COL28A1: variants seen among roughly 807,000 people sequenced by gnomAD.
COL28A1 encodes collagen type XXVIII alpha 1 chain, also known as collagen alpha-1(XXVIII) chain.
In COL28A1, 161 loss-of-function variants were observed where a neutral mutation model predicts 150.2. The ratio of observed to expected loss-of-function variants is 1.07; its 90% CI spans 0.94 to 1.22. The LOEUF is 1.22. COL28A1 is among the 50% of genes most tolerant of loss of function. The pLI is 0.00. For missense variants in COL28A1, 1,617 were observed against 1,388.3 expected (o/e 1.16, Z -2.62); for synonymous variants, 552 against 469.7 (o/e 1.18, Z -2.26).
At chr7:7,381,672 T>C in intron 27 of COL28A1, 60 bp from the exon 28 acceptor site, 1 of 1,308,430 alleles carries the variant, frequency 7.6e-7, no homozygotes, top group South Asian at 1.2e-5. Flanking sequence ...TGGCTATTCT[T>C]TGGGTCAGAA....
intron 5 of COL28A1, among the ~76,000 whole-genome samples, chr7:7,520,507 A>C (rs1583560040): frequency 6.6e-6 from 1 of 152,160 alleles, no homozygotes; most frequent in Admixed American, 6.5e-5. Flanking sequence ...TCTGTCACTC[A>C]CTTTTAAAAG....
chr7:7,477,946 T>C (rs1191870985), intron 13 of COL28A1, among the ~76,000 whole-genome samples: 6 of 152,204 alleles, frequency 3.9e-5, no homozygotes, highest in Non-Finnish European at 8.8e-5. Context: ...TTACAATCCC[T>C]GAGCTAGACA....
the COL28A1 span, among the ~76,000 whole-genome samples, chr7:7,350,461 A>G: frequency 3.3e-5 from 5 of 152,096 alleles, no homozygotes; most frequent in Non-Finnish European, 7.4e-5. Context: ...AAGAAGCACA[A>G]TTTTAGTCAA....
At chr7:7,502,407 T>C (rs1360870577) in intron 11 of COL28A1, among the ~76,000 whole-genome samples, 1 of 152,222 alleles carries the variant, frequency 6.6e-6, no homozygotes. Flanking sequence ...CATTTTTTCC[T>C]GACTTAACAC....
intron 20 of COL28A1, 45 bp from the exon 21 acceptor site, chr7:7,440,906 C>G (rs1305753077): frequency 3.3e-6 from 3 of 917,544 alleles, no homozygotes; most frequent in African/African-American, 3.3e-5. Context: ...ATGGTATTAG[C>G]AACCTCCCCT....
At chr7:7,364,329 G>A (rs377009836) in intron 33 of COL28A1, among the ~76,000 whole-genome samples, 11 of 152,304 alleles carry the variant, frequency 7.2e-5, no homozygotes, top group African/African-American at 1.4e-4. Flanking sequence ...ACATACATTC[G>A]TAAAGGAATC....
intron 18 of COL28A1, among the ~76,000 whole-genome samples, chr7:7,450,334 A>G (rs1446389471): frequency 6.6e-6 from 1 of 152,212 alleles, no homozygotes; most frequent in Non-Finnish European, 1.5e-5. Context: ...GCATAAGAAT[A>G]TCTTTATCAA....
Position 7,453,436 on chromosome 7 carries a change from T to G in COL28A1, c.1440+4A>C. 8.6e-7 allele frequency: 1 copy of G among 1,156,666 alleles called. No individual in the cohort carries two copies. The highest frequency in any genetic ancestry group is 1.2e-5 in the South Asian group (1 of 82,040). 71.7% of individuals were successfully genotyped at this position (1,156,666 alleles called of 1,614,324 possible). The stretch of plus-strand genomic sequence containing the variant: ...TTAAACTCCGCTCTCATTTACAAAG[T>G]TACCTTGGAACCAGGTAAGCCCTGT... On this transcript the variant is annotated splice_donor_region_variant and intron_variant, in intron 17 of 34. Coordinates refer to ENST00000399429, the MANE Select transcript of COL28A1 (RefSeq NM_001037763.3).
At chr7:7,391,686 G>A (rs2128294331) in intron 27 of COL28A1, among the ~76,000 whole-genome samples, 1 of 152,014 alleles carries the variant, frequency 6.6e-6, no homozygotes, top group East Asian at 1.9e-4. Flanking sequence ...ATATATTTAG[G>A]TTAGCTCTTC....
intron 18 of COL28A1, 133 bp from the exon 19 acceptor site, chr7:7,444,622 T>C: frequency 2.4e-6 from 2 of 820,406 alleles, no homozygotes; most frequent in Non-Finnish European, 1.9e-6. Context: ...CTAAACTATT[T>C]GATCTTGGGA....
chr7:7,348,540 T>C, the COL28A1 span, among the ~76,000 whole-genome samples: 1 of 152,148 alleles, frequency 6.6e-6, no homozygotes, highest in African/African-American at 2.4e-5. Flanking sequence ...TATTGAGCTA[T>C]AAATGACACA....
intron 33 of COL28A1, among the ~76,000 whole-genome samples, chr7:7,366,979 C>A (rs549042865): frequency 1.3e-5 from 2 of 152,296 alleles, no homozygotes; most frequent in South Asian, 2.1e-4. Flanking sequence ...TGTGTGTGCG[C>A]GCGTGCATGT....
chr7:7,386,363 GA>G (rs1047547098), intron 27 of COL28A1, among the ~76,000 whole-genome samples: 4 of 152,038 alleles, frequency 2.6e-5, no homozygotes, highest in African/African-American at 4.8e-5. Context: ...TAGAAAAGTG[GA>G]AAAAAATGCT....
chr7:7,448,633 A>G (rs1319648304), intron 18 of COL28A1, among the ~76,000 whole-genome samples: 4 of 151,242 alleles, frequency 2.6e-5, no homozygotes, highest in Non-Finnish European at 5.9e-5. Context: ...TATTTATGAT[A>G]AAATTTATAA....
intron 32 of COL28A1, among the ~76,000 whole-genome samples, chr7:7,371,511 A>G (rs1402181907): frequency 6.6e-6 from 1 of 152,226 alleles, no homozygotes; most frequent in African/African-American, 2.4e-5. Flanking sequence ...CGGCATAGGC[A>G]GGGCATGAGG....
At chr7:7,381,760 C>T in intron 27 of COL28A1, 148 bp from the exon 28 acceptor site, 1 of 547,744 alleles carries the variant, frequency 1.8e-6, no homozygotes, top group Non-Finnish European at 3.2e-6. Flanking sequence ...TATATAAATA[C>T]ATATGTGTAT....
At chr7:7,461,251 C>G (rs1016791173) in intron 15 of COL28A1, among the ~76,000 whole-genome samples, 6 of 152,146 alleles carry the variant, frequency 3.9e-5, no homozygotes, top group Non-Finnish European at 5.9e-5. Flanking sequence ...CAGTGGGTTC[C>G]CTAGCAAGCC....
chr7:7,431,776 G>A lies in COL28A1; in HGVS notation c.1998+697C>T, dbSNP rs148997491. 955 of 310,800 alleles carry A rather than the reference G, an allele frequency of 3.1e-3. 4 individuals carry two copies. The highest frequency in any genetic ancestry group is 5.3e-3 in the Middle Eastern group (7 of 1,328). The allele number at this position is 310,800 out of a possible 1,614,324, so 19.3% of individuals were successfully genotyped here. A position where few individuals can be genotyped will look rare whatever the true frequency, so the allele number is the denominator to read the frequency against. On this transcript the variant is annotated intron_variant, in intron 25 of 34. Transcript: ENST00000399429. ...GGAACAGAGGGAAGACCAATGAAGA[G>A]GCTATTTTTACAGCCCACGTAAGAG...
chr7:7,521,811 C>T, intron 5 of COL28A1, 94 bp downstream of exon 5: 4 of 774,656 alleles, frequency 5.2e-6, no homozygotes, highest in Non-Finnish European at 9.4e-6. Context: ...AATTGCTTTT[C>T]AGCAGTGCAA....
Sources: gnomAD v4.1 joint callset for allele counts (sites outside exome capture counted in the v4.1 genomes callset) on GRCh38, gnomAD v4.1.1 for gene constraint, MANE v1.5 for transcripts, NCBI Gene and HGNC (gene_info 2026-07-23, HGNC 2026-07-21) for gene names.